ARMH3: variants seen among roughly 807,000 people sequenced by gnomAD.
ARMH3 encodes the protein armadillo like helical domain containing 3.
ARMH3 carries 60 observed loss-of-function variants against 99.1 expected under a neutral mutation model. That is an observed-to-expected ratio of 0.61 (90% CI 0.49 to 0.75). ARMH3 has a LOEUF of 0.75. ARMH3 is among the 30% of genes least tolerant of loss of function. The probability of loss-of-function intolerance (pLI) is 0.00; values close to 1 mark genes in which losing one functional copy is unlikely to be tolerated. For synonymous variants in ARMH3, 285 were observed against 292.8 expected, an observed-to-expected ratio of 0.97 and a Z score of 0.27; for missense variants, 679 against 843.1, an observed-to-expected ratio of 0.81 and a Z score of 2.41.
intron 15 of ARMH3, among the ~76,000 whole-genome samples, chr10:101,998,235 G>C (rs1282409835): frequency 6.6e-6 from 1 of 152,152 alleles, no homozygotes; most frequent in Non-Finnish European, 1.5e-5. Context: ...TCCATGCAGT[G>C]TCTCTATTCT....
chr10:101,989,378 A>G (rs964922825), intron 19 of ARMH3, among the ~76,000 whole-genome samples: 20 of 151,970 alleles, frequency 1.3e-4, no homozygotes, highest in African/African-American at 4.6e-4. Context: ...CAAAGTAAAA[A>G]GAAAATATGA....
chr10:102,046,395 T>C (rs1291282803), intron 1 of ARMH3, among the ~76,000 whole-genome samples: 1 of 151,588 alleles, frequency 6.6e-6, no homozygotes, highest in Middle Eastern at 3.2e-3. Flanking sequence ...GGCTCATGCC[T>C]GTAATCCCAG....
At chr10:102,045,217 A>T (rs2067520736) in intron 1 of ARMH3, among the ~76,000 whole-genome samples, 1 of 151,956 alleles carries the variant, frequency 6.6e-6, no homozygotes, top group East Asian at 1.9e-4. Context: ...TCACTCATTC[A>T]TTCGACAAAT....
chr10:102,010,893 C>A (rs761008451), intron 11 of ARMH3, among the ~76,000 whole-genome samples: 9 of 152,286 alleles, frequency 5.9e-5, no homozygotes, highest in Admixed American at 5.2e-4. Context: ...TTCCTGAGAA[C>A]AGGCTGAGAA....
intron 22 of ARMH3, among the ~76,000 whole-genome samples, chr10:101,949,774 A>G (rs1159060218): frequency 6.6e-6 from 1 of 152,174 alleles, no homozygotes; most frequent in Non-Finnish European, 1.5e-5. Context: ...GTAAGAAAGT[A>G]AAACTACAGA....
chr10:102,008,709 C>G (rs926923672), intron 13 of ARMH3, among the ~76,000 whole-genome samples: 1 of 151,900 alleles, frequency 6.6e-6, no homozygotes, highest in Non-Finnish European at 1.5e-5. Flanking sequence ...TCCGCCACCA[C>G]GCCCAGCTAT....
Position 101,963,126 on chromosome 10 carries a change from T to C in ARMH3, c.1496-5394A>G, listed in dbSNP as rs553919134. 7.3e-4 allele frequency among the ~76,000 whole-genome samples: 106 copies of C among 145,474 alleles called. No homozygotes were observed. In the South Asian group the frequency reaches 0.023, roughly 31 times the overall value. Reference sequence around the variant, plus strand: ...CTGGGATTACAGGAACCCATCACCATGCCCGGATAATTTTGCATTTTTTTT... The same window carrying C: ...CTGGGATTACAGGAACCCATCACCACGCCCGGATAATTTTGCATTTTTTTT... On this transcript the variant is annotated intron_variant, in intron 20 of 25. Coordinates refer to ENST00000370033, the MANE Select transcript of ARMH3 (RefSeq NM_024541.3).
intron 23 of ARMH3, among the ~76,000 whole-genome samples, chr10:101,905,052 T>C (rs1452835665): frequency 6.6e-6 from 1 of 152,094 alleles, no homozygotes; most frequent in East Asian, 1.9e-4. Context: ...ACTGGATTAA[T>C]CCAGGAGCTA....
intron 23 of ARMH3, among the ~76,000 whole-genome samples, chr10:101,902,894 G>A (rs1028764068): frequency 1.3e-5 from 2 of 152,122 alleles, no homozygotes; most frequent in African/African-American, 4.8e-5. Flanking sequence ...AAGGTCTTTA[G>A]GGGAGAGTCG....
intron 23 of ARMH3, among the ~76,000 whole-genome samples, chr10:101,905,884 C>T (rs561021965): frequency 6.6e-5 from 10 of 152,208 alleles, no homozygotes; most frequent in Non-Finnish European, 1.2e-4. Flanking sequence ...ACCTTTCAAA[C>T]CCTCCATGAA....
intron 24 of ARMH3, among the ~76,000 whole-genome samples, chr10:101,878,207 G>C (rs1436087829): frequency 1.3e-5 from 2 of 152,152 alleles, no homozygotes; most frequent in African/African-American, 2.4e-5. Flanking sequence ...GCAGTGAGCA[G>C]AGATCACGCC....
intron 5 of ARMH3, among the ~76,000 whole-genome samples, chr10:102,028,202 T>C (rs532054985): frequency 1.3e-5 from 2 of 152,156 alleles, no homozygotes; most frequent in South Asian, 2.1e-4. Flanking sequence ...AAATATAGAG[T>C]TACCATGTGA....
chr10:101,992,092 CA>C lies in ARMH3; in HGVS notation c.1276-55del. On this transcript the variant is annotated intron_variant, in intron 17 of 25. Coordinates refer to ENST00000370033, the MANE Select transcript of ARMH3 (RefSeq NM_024541.3). ...ATTAGTAGACACCGGCACTGACATC[CA>C]ATGGCCCATCATCATGTTCCTTGTG... 10 of 1,378,986 alleles carry C rather than the reference CA, an allele frequency of 7.3e-6. No individual in the cohort carries two copies. In the South Asian group the frequency reaches 9.3e-5, roughly 13 times the overall value. The allele number at this position is 1,378,986 out of a possible 1,614,324, so 85.4% of individuals were successfully genotyped here. A position where few individuals can be genotyped will look rare whatever the true frequency, so the allele number is the denominator to read the frequency against.
chr10:101,987,301 A>G (rs1473901821), intron 19 of ARMH3, among the ~76,000 whole-genome samples: 1 of 152,130 alleles, frequency 6.6e-6, no homozygotes, highest in Non-Finnish European at 1.5e-5. Flanking sequence ...CTGGTCCCCT[A>G]CGTGGTATGT....
intron 23 of ARMH3, among the ~76,000 whole-genome samples, chr10:101,897,947 C>T (rs79391020): frequency 0.01 from 1,555 of 152,284 alleles, 28 homozygotes; most frequent in African/African-American, 0.031. Flanking sequence ...AACTTATTCT[C>T]TCTGACTCAT....
At chr10:101,921,688 G>A (rs1008627820) in intron 23 of ARMH3, among the ~76,000 whole-genome samples, 15 of 152,140 alleles carry the variant, frequency 9.9e-5, no homozygotes, top group Admixed American at 6.5e-5. Context: ...CAACAACACA[G>A]ATGGAAAAGG....
At chr10:101,964,736 C>T (rs1443517658) in intron 20 of ARMH3, among the ~76,000 whole-genome samples, 2 of 151,802 alleles carry the variant, frequency 1.3e-5, no homozygotes, top group Non-Finnish European at 2.9e-5. Flanking sequence ...GCTGGCCAGA[C>T]ACGGTGGCTC....
intron 19 of ARMH3, among the ~76,000 whole-genome samples, chr10:101,990,252 C>T (rs1397408618): frequency 6.7e-6 from 1 of 149,202 alleles, no homozygotes; most frequent in African/African-American, 2.5e-5. Context: ...GGCACAATCT[C>T]AGCTGACTGC....
At chr10:102,022,189 A>G (rs922329903) in intron 8 of ARMH3, among the ~76,000 whole-genome samples, 2 of 152,102 alleles carry the variant, frequency 1.3e-5, no homozygotes, top group Non-Finnish European at 2.9e-5. Context: ...CTAATGACAC[A>G]TTTCTCAGAA....
Sources: allele counts gnomAD v4.1 joint callset (sites outside exome capture counted in the v4.1 genomes callset), GRCh38; gene constraint gnomAD v4.1.1; transcripts MANE v1.5; gene names NCBI Gene and HGNC (gene_info 2026-07-23, HGNC 2026-07-21).